Variants in CTNNA2 observed in about 807,000 individuals in gnomAD.
CTNNA2 encodes the protein catenin alpha 2, also known as catenin alpha-2.
Under a neutral mutation model 101.0 loss-of-function variants are expected in CTNNA2, and 42 were observed. The ratio of observed to expected loss-of-function variants is 0.42; its 90% confidence interval spans 0.32 to 0.54. The LOEUF (loss-of-function observed/expected upper bound fraction) is 0.54, where lower values mean the gene tolerates loss of function less well. Ranked by LOEUF, CTNNA2 falls within the 20% of genes least tolerant of loss-of-function variation. The pLI is 0.14. For synonymous variants in CTNNA2, 450 were observed against 456.4 expected (o/e 0.99, Z 0.18); for missense variants, 871 against 1,223.1 (o/e 0.71, Z 4.29).
chr2:80,473,794 G>A (rs1685502792), intron 9 of CTNNA2, among the ~76,000 whole-genome samples: 1 of 152,170 alleles, frequency 6.6e-6, no homozygotes, highest in Non-Finnish European at 1.5e-5. Context: ...GCAGTAAAGG[G>A]CCTTTAATTT....
rs114075226 is a variant in CTNNA2, at chr2:79,289,566, G to A, written c.-405-23143G>A. Among the ~76,000 whole-genome samples the A allele has an allele frequency of 7.1e-3, 1,072 of 152,014 alleles. 5 individuals carry two copies. Among genetic ancestry groups the A allele is most frequent in the South Asian group, 0.016 (75 of 4,798 alleles). On this transcript the variant is annotated intron_variant, in intron 2 of 21. Transcript: ENST00000466387. ...GTCGAGACCAGCCTGACCAACATGC[G>A]AAATCCTGTCTCTACTAAAAATACA...
chr2:79,508,997 ATATATATAT>A (rs1671476726), upstream of CTNNA2, among the ~76,000 whole-genome samples: 2 of 131,090 alleles, frequency 1.5e-5, no homozygotes, highest in Non-Finnish European at 3.3e-5. Context: ...ATATATATAT[ATATATATAT>A]ATATATAAAC....
intron 18 of CTNNA2, among the ~76,000 whole-genome samples, chr2:80,630,937 A>G (rs1365757970): frequency 1.3e-5 from 2 of 152,206 alleles, no homozygotes. Context: ...GTTTTTTAAA[A>G]GAAAATTGGA....
At chr2:79,841,697 C>T (rs1679831297) in intron 3 of CTNNA2, among the ~76,000 whole-genome samples, 2 of 152,274 alleles carry the variant, frequency 1.3e-5, no homozygotes, top group East Asian at 1.9e-4. Context: ...GCGCAATCAA[C>T]GATCCTTTAA....
rs79657101 is a variant in CTNNA2 at position 80,103,691 on chromosome 2, G to C, written c.1056+193894G>C. 9.6e-3 allele frequency among the ~76,000 whole-genome samples: 1,458 copies of C among 152,282 alleles called. 23 individuals carry two copies. Among genetic ancestry groups the C allele is most frequent in the African/African-American group, 0.034 (1,393 of 41,564 alleles). On this transcript the variant is annotated intron_variant, in intron 7 of 18. Transcript: ENST00000402739. ...CCTGAGTGAGTTCTACACAGTCCCA[G>C]TGTTGTCTGTAACCCTAGGCAGCTT...
intron 9 of CTNNA2, among the ~76,000 whole-genome samples, chr2:80,425,776 A>G (rs1224692609): frequency 6.6e-6 from 1 of 152,084 alleles, no homozygotes; most frequent in African/African-American, 2.4e-5. Flanking sequence ...GAGTCTATGA[A>G]GTGATTGGGC....
At chr2:79,799,284 G>A (rs1031219632) in intron 3 of CTNNA2, among the ~76,000 whole-genome samples, 3 of 150,714 alleles carry the variant, frequency 2.0e-5, no homozygotes, top group Non-Finnish European at 4.4e-5. Context: ...GATATGTATC[G>A]AGATGCCTTA....
At chr2:79,806,127 A>T (rs1016649920) in intron 3 of CTNNA2, among the ~76,000 whole-genome samples, 4 of 152,116 alleles carry the variant, frequency 2.6e-5, no homozygotes, top group African/African-American at 9.7e-5. Flanking sequence ...ACTACTATAG[A>T]TTCAAATGCC....
At chr2:80,507,285 C>T (rs1333967695) in intron 9 of CTNNA2, among the ~76,000 whole-genome samples, 1 of 143,946 alleles carries the variant, frequency 6.9e-6, no homozygotes, top group Non-Finnish European at 1.5e-5. Context: ...CCACTACCAC[C>T]ACCATCATCA....
intron 7 of CTNNA2, among the ~76,000 whole-genome samples, chr2:80,061,870 A>C (rs2104381563): frequency 6.6e-6 from 1 of 152,376 alleles, no homozygotes; most frequent in South Asian, 2.1e-4. Context: ...TCAATAAAGT[A>C]ACATTTAGAG....
chr2:80,327,095 T>C (rs561125970), intron 7 of CTNNA2, among the ~76,000 whole-genome samples: 2 of 152,198 alleles, frequency 1.3e-5, no homozygotes, highest in East Asian at 1.9e-4. Flanking sequence ...TCCTACAGGA[T>C]TGCAGAAGTT....
In CTNNA2 at chr2:80,559,346, C is replaced by A. The variant is rs189029673; in HGVS notation, c.1741+3453C>A. Among the ~76,000 whole-genome samples the A allele has an allele frequency of 7.2e-5, 11 of 152,266 alleles. No homozygotes were observed. The South Asian group carries it at 2.3e-3, about 32-fold the overall frequency. ...CTGAAGGTGTTTACACACAGGCAAA[C>A]CCCTGTGTAGACAGATGAATGGCTG... On this transcript the variant is annotated intron_variant, in intron 12 of 18. Transcript: ENST00000402739.
At chr2:80,533,620 G>C (rs1033003104) in intron 9 of CTNNA2, among the ~76,000 whole-genome samples, 2 of 152,164 alleles carry the variant, frequency 1.3e-5, no homozygotes, top group Non-Finnish European at 2.9e-5. Flanking sequence ...CAGCCCTCCT[G>C]CATTGCCAGA....
intron 3 of CTNNA2, among the ~76,000 whole-genome samples, chr2:79,809,131 A>G (rs894780558): frequency 2.0e-5 from 3 of 152,124 alleles, no homozygotes; most frequent in South Asian, 4.1e-4. Flanking sequence ...ATCCTTTTAT[A>G]TGGCTGCATG....
At chr2:80,525,680 T>C (rs1689973791) in intron 9 of CTNNA2, among the ~76,000 whole-genome samples, 1 of 152,170 alleles carries the variant, frequency 6.6e-6, no homozygotes, top group Non-Finnish European at 1.5e-5. Flanking sequence ...TGCTAGGGTT[T>C]TTCTGGAGGG....
At chr2:80,122,102 A>G (rs73940953) in intron 7 of CTNNA2, among the ~76,000 whole-genome samples, 4,474 of 152,256 alleles carry the variant, frequency 0.029, 208 homozygotes, top group African/African-American at 0.1. Flanking sequence ...ATAAATTCAC[A>G]GATGGCTCAC....
intron 4 of CTNNA2, among the ~76,000 whole-genome samples, chr2:79,495,089 C>CA (rs1671242299): frequency 6.6e-6 from 1 of 151,858 alleles, no homozygotes; most frequent in Admixed American, 6.6e-5. Context: ...GGCGACAGAG[C>CA]AAAACTCCGT....
intron 1 of CTNNA2, among the ~76,000 whole-genome samples, chr2:79,583,533 C>CT (rs1676278215): frequency 6.6e-6 from 1 of 151,668 alleles, no homozygotes; most frequent in Non-Finnish European, 1.5e-5. Flanking sequence ...GGGTAAATGC[C>CT]TAGGAGTATT....
chr2:80,088,005 A>G (rs1470405334), intron 7 of CTNNA2, among the ~76,000 whole-genome samples: 1 of 152,048 alleles, frequency 6.6e-6, no homozygotes, highest in Non-Finnish European at 1.5e-5. Flanking sequence ...CCGACCACCC[A>G]GTTCTCAGGG....
Sources: gnomAD v4.1 joint callset for allele counts (sites outside exome capture counted in the v4.1 genomes callset) on GRCh38, gnomAD v4.1.1 for gene constraint, MANE v1.5 for transcripts, NCBI Gene and HGNC (gene_info 2026-07-23, HGNC 2026-07-21) for gene names.